GTF2B: variants seen among roughly 807,000 people sequenced by gnomAD.
The protein encoded by GTF2B is transcription initiation factor IIB.
A neutral mutation model predicts 34.6 loss-of-function variants in GTF2B; 20 were observed. The observed-to-expected ratio is 0.58, with a 90% CI of 0.41 to 0.84. The LOEUF (loss-of-function observed/expected upper bound fraction) is 0.84, where lower values mean the gene tolerates loss of function less well. GTF2B is among the 40% of genes least tolerant of loss of function. The probability of loss-of-function intolerance (pLI) is 0.00; values close to 1 mark genes in which losing one functional copy is unlikely to be tolerated. For synonymous variants in GTF2B, 142 were observed against 132.4 expected (o/e 1.07, Z -0.50); for missense variants, 237 against 393.3 (o/e 0.60, Z 3.36).
At position 88,857,241 on chromosome 1, in the gene GTF2B, G is replaced by A; in HGVS notation, c.782C>T (p.Ala261Val). The A allele has an allele frequency of 6.2e-7, 1 of 1,613,928 alleles. No individual in the cohort carries two copies. Among genetic ancestry groups the A allele is most frequent in the Non-Finnish European group, 8.5e-7 (1 of 1,179,926 alleles). Residue 261 changes from alanine to valine, a missense_variant, in exon 6 of 7, where the codon GCC becomes GTC. Around this residue, in one of 3 missense-constraint regions of GTF2B, gnomAD observed 78 missense variants for 116.6 expected, o/e 0.67. Coordinates refer to ENST00000370500, the MANE Select transcript of GTF2B (RefSeq NM_001514.6). The stretch of plus-strand genomic sequence containing the variant: ...CCTCTTTTCAGCTGATGCCTGTGAG[G>A]CCATGTAAATAGCTGCCGCTGCCAC... ...ISVAAAAIYMASQASAEKRTQ... is the reference protein window; with the variant it reads ...ISVAAAAIYMVSQASAEKRTQ...
At chr1:88,885,582 T>C (rs562333004) in intron 2 of GTF2B, among the ~76,000 whole-genome samples, 2 of 151,670 alleles carry the variant, frequency 1.3e-5, no homozygotes, top group Admixed American at 6.6e-5. Context: ...ACACCGTCTC[T>C]ACTAAAAAAA....
intron 1 of GTF2B, 24 bp downstream of exon 1, chr1:88,891,459 C>A: frequency 6.3e-7 from 1 of 1,595,486 alleles, no homozygotes; most frequent in South Asian, 1.1e-5. Flanking sequence ...CCTCAGCTCG[C>A]CGGGCTCGGC....
intron 2 of GTF2B, among the ~76,000 whole-genome samples, chr1:88,869,222 T>C (rs1673631509): frequency 6.6e-6 from 1 of 152,306 alleles, no homozygotes; most frequent in African/African-American, 2.4e-5. Flanking sequence ...TGATTTAAAG[T>C]ATATGGGAGG....
intron 2 of GTF2B, among the ~76,000 whole-genome samples, chr1:88,873,073 T>A (rs577678178): frequency 2.0e-5 from 3 of 152,160 alleles, no homozygotes; most frequent in Non-Finnish European, 2.9e-5. Flanking sequence ...CCAGATAATC[T>A]TCCAACATCA....
At chr1:88,857,563 T>G (rs928314439) in intron 5 of GTF2B, 76 bp from the exon 6 acceptor site, 2 of 719,774 alleles carry the variant, frequency 2.8e-6, no homozygotes, top group East Asian at 2.7e-5. Context: ...TTTCTAATTA[T>G]AAACATAATA....
intron 2 of GTF2B, among the ~76,000 whole-genome samples, chr1:88,872,472 A>G (rs980157274): frequency 4.0e-5 from 6 of 151,160 alleles, no homozygotes; most frequent in Admixed American, 1.3e-4. Context: ...AAAAAAAAAA[A>G]AAAAAAAAAA....
At position 88,854,231 on chromosome 1, in the gene GTF2B, T is replaced by C. The variant is rs183928603; in HGVS notation, c.818-885A>G. Reference sequence around the variant, plus strand: ...AAAACAAAATGTGATACTATAAATATTGTTCTACAATCTTTTTTTCTACTT... The same window carrying C: ...AAAACAAAATGTGATACTATAAATACTGTTCTACAATCTTTTTTTCTACTT... On this transcript the variant is annotated intron_variant, in intron 6 of 6. Coordinates refer to ENST00000370500, the MANE Select transcript of GTF2B (RefSeq NM_001514.6). Among the ~76,000 whole-genome samples, 392 of 152,352 alleles carry C rather than the reference T, an allele frequency of 2.6e-3. 2 individuals are homozygous for C. Among genetic ancestry groups the C allele is most frequent in the African/African-American group, 9.1e-3 (378 of 41,580 alleles).
At chr1:88,867,476 A>C (rs1353728845) in intron 2 of GTF2B, among the ~76,000 whole-genome samples, 1 of 152,204 alleles carries the variant, frequency 6.6e-6, no homozygotes, top group Non-Finnish European at 1.5e-5. Flanking sequence ...CTATTTGGCA[A>C]AATAAAAACA....
intron 5 of GTF2B, 64 bp from the exon 6 acceptor site, chr1:88,857,551 CATTTCT>C: frequency 1.3e-6 from 1 of 797,438 alleles, no homozygotes; most frequent in Non-Finnish European, 2.0e-6. Context: ...TAAAATCTAC[CATTTCT>C]AATTATAAAC....
Position 88,873,692 on chromosome 1 carries a change from G to A in GTF2B, c.125-9578C>T, listed in dbSNP as rs576686959. 9.2e-5 allele frequency among the ~76,000 whole-genome samples: 14 copies of A among 152,244 alleles called. No individual in the cohort carries two copies. In the South Asian group the frequency reaches 2.1e-3, roughly 23 times the overall value. ...TACTATGGCTTGCATTTTGTAGCAC[G>A]GGACAGCTGTTGGTAATTTCCTTTA... On this transcript the variant is annotated intron_variant, in intron 2 of 6. Coordinates refer to ENST00000370500, the MANE Select transcript of GTF2B (RefSeq NM_001514.6).
intron 1 of GTF2B, among the ~76,000 whole-genome samples, chr1:88,888,254 G>T (rs1438055424): frequency 6.6e-6 from 1 of 152,118 alleles, no homozygotes; most frequent in Admixed American, 6.5e-5. Context: ...TAGTATTTGT[G>T]GTTTGGGGTA....
chr1:88,882,139 G>A (rs1210772736), intron 2 of GTF2B, among the ~76,000 whole-genome samples: 2 of 151,878 alleles, frequency 1.3e-5, no homozygotes, highest in African/African-American at 2.4e-5. Context: ...GTGAAACCCT[G>A]TCTCTACTAA....
chr1:88,887,861 T>C (rs537338249), intron 1 of GTF2B: 66 of 153,302 alleles, frequency 4.3e-4, no homozygotes, highest in African/African-American at 1.5e-3. Flanking sequence ...ATGGTAGAAG[T>C]TGCTCTGCTG....
chr1:88,887,166 A>C (rs1391103206), intron 2 of GTF2B, 95 bp downstream of exon 2: 2 of 727,522 alleles, frequency 2.7e-6, no homozygotes, highest in East Asian at 5.5e-5. Context: ...TGATCCTCCC[A>C]CCTTGGCCTC....
intron 6 of GTF2B, among the ~76,000 whole-genome samples, chr1:88,855,473 C>T (rs866208626): frequency 1.2e-4 from 18 of 151,760 alleles, no homozygotes; most frequent in Admixed American, 2.0e-4. Context: ...GTCTCTTAGC[C>T]TCCCGAGTAG....
chr1:88,871,681 T>G (rs1673696309), intron 2 of GTF2B, among the ~76,000 whole-genome samples: 1 of 152,232 alleles, frequency 6.6e-6, no homozygotes, highest in Non-Finnish European at 1.5e-5. Flanking sequence ...AATTTGGCAC[T>G]GTATTTTGGA....
chr1:88,873,195 T>G (rs867888126), intron 2 of GTF2B, among the ~76,000 whole-genome samples: 3 of 144,054 alleles, frequency 2.1e-5, no homozygotes, highest in Non-Finnish European at 3.0e-5. Flanking sequence ...TTTTTTTTTT[T>G]TTTTTTTTTT....
intron 1 of GTF2B, among the ~76,000 whole-genome samples, chr1:88,890,310 CAA>C (rs1452481871): frequency 6.6e-6 from 1 of 152,160 alleles, no homozygotes; most frequent in East Asian, 1.9e-4. Flanking sequence ...AATCAGTAAA[CAA>C]GAGTGTCACT....
chr1:88,864,142 A>G, intron 2 of GTF2B, 28 bp from the exon 3 acceptor site: 7 of 1,611,960 alleles, frequency 4.3e-6, no homozygotes, highest in Non-Finnish European at 5.9e-6. Flanking sequence ...TATCTGAATC[A>G]TTTTGTCAAG....
Sources: allele counts gnomAD v4.1 joint callset (sites outside exome capture counted in the v4.1 genomes callset), GRCh38; gene constraint gnomAD v4.1.1; regional missense constraint gnomAD v4.1.1; transcripts MANE v1.5; gene names NCBI Gene and HGNC (gene_info 2026-07-23, HGNC 2026-07-21).